Variants in NECTIN3 observed in about 807,000 individuals in gnomAD.
NECTIN3 encodes nectin-3.
Under a neutral mutation model 49.4 loss-of-function variants are expected in NECTIN3, and 8 were observed. That is an observed-to-expected ratio of 0.16 (90% CI 0.10 to 0.29). The LOEUF (loss-of-function observed/expected upper bound fraction) is 0.29. NECTIN3 is among the 10% of genes least tolerant of loss of function. The pLI, the probability that NECTIN3 is intolerant of heterozygous loss-of-function variation, is 1.00. For missense variants in NECTIN3, 581 were observed against 654.6 expected (o/e 0.89, Z 1.23); for synonymous variants, 277 against 241.1 (o/e 1.15, Z -1.38).
chr3:111,131,800 CTG>C (rs2034400671), intron 5 of NECTIN3, among the ~76,000 whole-genome samples: 1 of 151,642 alleles, frequency 6.6e-6, no homozygotes, highest in African/African-American at 2.4e-5. Flanking sequence ...AATATAGTCA[CTG>C]TTCTGAAAAA....
intron 1 of NECTIN3, among the ~76,000 whole-genome samples, chr3:111,088,592 A>G (rs75195719): frequency 0.017 from 2,632 of 152,214 alleles, 33 homozygotes; most frequent in Non-Finnish European, 0.025. Context: ...TTACATTTCT[A>G]TGGGCCCAAC....
At chr3:111,114,345 A>T (rs2033599986) in intron 2 of NECTIN3, among the ~76,000 whole-genome samples, 1 of 151,926 alleles carries the variant, frequency 6.6e-6, no homozygotes, top group Non-Finnish European at 1.5e-5. Flanking sequence ...ATCAAATCAC[A>T]TCCTTTTAGT....
chr3:111,181,906 T>C (rs893997527), intron 7 of NECTIN3, among the ~76,000 whole-genome samples: 1 of 151,982 alleles, frequency 6.6e-6, no homozygotes, highest in Non-Finnish European at 1.5e-5. Flanking sequence ...TTCCTTTGGA[T>C]TTAATTTGTT....
intron 1 of NECTIN3, among the ~76,000 whole-genome samples, chr3:111,101,750 A>G (rs77471102): frequency 0.024 from 3,603 of 152,310 alleles, 70 homozygotes; most frequent in Non-Finnish European, 0.038. Context: ...ACATGTGGCT[A>G]GTGACTGAGA....
intron 7 of NECTIN3, chr3:111,147,587 TAA>T: frequency 1.0e-6 from 1 of 979,912 alleles, no homozygotes; most frequent in South Asian, 1.7e-5. Context: ...CATTATGCAT[TAA>T]GTGTTGTTTA....
intron 7 of NECTIN3, among the ~76,000 whole-genome samples, chr3:111,183,904 T>G (rs887893116): frequency 2.0e-5 from 3 of 152,156 alleles, no homozygotes; most frequent in Non-Finnish European, 2.9e-5. Flanking sequence ...GTTTATATAT[T>G]TCATAAAATT....
At chr3:111,107,616 A>G (rs182889988) in intron 1 of NECTIN3, among the ~76,000 whole-genome samples, 1 of 152,276 alleles carries the variant, frequency 6.6e-6, no homozygotes, top group East Asian at 1.9e-4. Flanking sequence ...TAAATAATTT[A>G]GCTCTTTAAT....
At chr3:111,099,091 G>A (rs957006011) in intron 1 of NECTIN3, among the ~76,000 whole-genome samples, 1 of 151,652 alleles carries the variant, frequency 6.6e-6, no homozygotes, top group African/African-American at 2.4e-5. Flanking sequence ...TTTTCCTTTA[G>A]TGCCTTTACC....
At chr3:111,185,974 A>C (rs1435039804) in intron 7 of NECTIN3, among the ~76,000 whole-genome samples, 1 of 152,170 alleles carries the variant, frequency 6.6e-6, no homozygotes, top group Non-Finnish European at 1.5e-5. Context: ...GTATATAGTA[A>C]TTTGTTCCTT....
At chr3:111,169,369 C>G (rs943393432) in intron 7 of NECTIN3, among the ~76,000 whole-genome samples, 18 of 142,534 alleles carry the variant, frequency 1.3e-4, no homozygotes, top group African/African-American at 4.9e-4. Flanking sequence ...GGATTACAAA[C>G]GCAAACTTTT....
intron 1 of NECTIN3, among the ~76,000 whole-genome samples, chr3:111,100,502 G>T (rs2032842759): frequency 6.6e-6 from 1 of 151,924 alleles, no homozygotes; most frequent in Non-Finnish European, 1.5e-5. Context: ...TTAGGCTTTA[G>T]TCCTATTCCC....
chr3:111,130,814 G>A (rs767133647), intron 5 of NECTIN3, among the ~76,000 whole-genome samples: 1 of 152,030 alleles, frequency 6.6e-6, no homozygotes, highest in Non-Finnish European at 1.5e-5. Context: ...TCTTTGACTA[G>A]TACTTACTGA....
At chr3:111,188,801 G>A (rs978566209), upstream of NECTIN3, among the ~76,000 whole-genome samples, 1 of 152,082 alleles carries the variant, frequency 6.6e-6, no homozygotes, top group African/African-American at 2.4e-5. Flanking sequence ...CTTAACCCAG[G>A]GTGTTCAGCA....
At chr3:111,175,313 T>C (rs1003715632) in intron 7 of NECTIN3, among the ~76,000 whole-genome samples, 1 of 151,650 alleles carries the variant, frequency 6.6e-6, no homozygotes, top group African/African-American at 2.4e-5. Flanking sequence ...AGGAATGTTG[T>C]CCCCATTTAG....
At chr3:111,107,473 A>C (rs895019743) in intron 1 of NECTIN3, among the ~76,000 whole-genome samples, 2 of 152,202 alleles carry the variant, frequency 1.3e-5, no homozygotes, top group African/African-American at 4.8e-5. Context: ...CTACGTGTCT[A>C]GAGTGTGCAG....
chr3:111,193,487 C>A, intron 1 of NECTIN3: 1 of 1,218,408 alleles, frequency 8.2e-7, no homozygotes, highest in Non-Finnish European at 1.1e-6. Context: ...AACAGTCCCA[C>A]TCTAAGGGTA....
At chr3:111,186,436 T>C (rs566031102) in intron 7 of NECTIN3, among the ~76,000 whole-genome samples, 2 of 151,920 alleles carry the variant, frequency 1.3e-5, no homozygotes. Context: ...TTTGACAAAG[T>C]CAACAAAAAA....
intron 1 of NECTIN3, among the ~76,000 whole-genome samples, chr3:111,074,469 C>T (rs1470195611): frequency 6.6e-6 from 1 of 151,960 alleles, no homozygotes; most frequent in Non-Finnish European, 1.5e-5. Context: ...TAGATTTTTC[C>T]TTTTGCTGCT....
downstream of NECTIN3, among the ~76,000 whole-genome samples, chr3:111,139,542 T>C (rs1378235715): frequency 1.3e-5 from 2 of 151,776 alleles, no homozygotes; most frequent in Non-Finnish European, 3.0e-5. Flanking sequence ...GCTATGTCTT[T>C]CCATCAGAAA....
Sources: gnomAD v4.1 joint callset for allele counts (sites outside exome capture counted in the v4.1 genomes callset) on GRCh38, gnomAD v4.1.1 for gene constraint, MANE v1.5 for transcripts, NCBI Gene and HGNC (gene_info 2026-07-23, HGNC 2026-07-21) for gene names.